The following UEVLD variants were observed in gnomAD, a reference collection of about 807,000 sequenced individuals.
UEVLD encodes the protein UEV and lactate/malate dehyrogenase domains.
In UEVLD, 47 loss-of-function variants were observed where a neutral mutation model predicts 58.6. The ratio of observed to expected loss-of-function variants is 0.80; its 90% CI spans 0.63 to 1.02. The LOEUF is 1.02. UEVLD is among the 50% of genes least tolerant of loss of function. The pLI, the probability that UEVLD is intolerant of heterozygous loss-of-function variation, is 0.00. For missense variants in UEVLD, 510 were observed against 550.6 expected (o/e 0.93, Z 0.74); for synonymous variants, 197 against 195.3 (o/e 1.01, Z -0.07).
intron 1 of UEVLD, among the ~76,000 whole-genome samples, chr11:18,588,077 G>C (rs1853674763): frequency 6.6e-6 from 1 of 152,112 alleles, no homozygotes; most frequent in African/African-American, 2.4e-5. Flanking sequence ...CTATGGTGTT[G>C]TCAAACATAG....
At chr11:18,572,533 G>A (rs984222841) in intron 3 of UEVLD, among the ~76,000 whole-genome samples, 6 of 152,126 alleles carry the variant, frequency 3.9e-5, no homozygotes, top group African/African-American at 7.2e-5. Flanking sequence ...GGCTGGGCGC[G>A]GTGGCTCACG....
chr11:18,588,209 G>A (rs181206274), intron 1 of UEVLD, among the ~76,000 whole-genome samples: 1 of 152,308 alleles, frequency 6.6e-6, no homozygotes, highest in East Asian at 1.9e-4. Flanking sequence ...CAAAACAGAA[G>A]GGTTGATTCA....
intron 6 of UEVLD, 106 bp downstream of exon 6, chr11:18,564,786 A>C: frequency 2.9e-6 from 2 of 701,112 alleles, no homozygotes; most frequent in Non-Finnish European, 2.3e-6. Context: ...AGCCAAAATA[A>C]GGTTTTCCCA....
At chr11:18,554,071 C>G (rs900937547) in intron 7 of UEVLD, among the ~76,000 whole-genome samples, 6 of 152,142 alleles carry the variant, frequency 3.9e-5, no homozygotes, top group Admixed American at 3.9e-4. Flanking sequence ...CGGTCTGACT[C>G]CTAAAGCAAC....
At chr11:18,532,552 C>T in intron 11 of UEVLD, 65 bp from the exon 12 acceptor site, 2 of 1,324,328 alleles carry the variant, frequency 1.5e-6, no homozygotes, top group East Asian at 2.6e-5. Context: ...TACAAAAATG[C>T]ATACTTTCTT....
Position 18,570,293 on chromosome 11 carries a change from G to A in UEVLD, c.278C>T (p.Ala93Val), listed in dbSNP as rs373720233. Residue 93 changes from alanine to valine, a missense_variant, in exon 4 of 12, where the codon GCA (alanine) becomes GTA (valine). By Grantham distance (64) the Ala-to-Val change is moderately conservative. Coordinates refer to ENST00000396197, the MANE Select transcript of UEVLD (RefSeq NM_001040697.4). The stretch of plus-strand genomic sequence containing the variant: ...TTTTCCGACTAAGATTCCCATATTT[G>A]CAGTTGGCTTCAAGAAGCAAATAGG... ...APPICFLKPTANMGILVGKHV... is the reference protein window; with the variant it reads ...APPICFLKPTVNMGILVGKHV... 43 of 1,596,336 alleles carry A rather than the reference G, an allele frequency of 2.7e-5. No homozygotes were observed. Among genetic ancestry groups the A allele is most frequent in the Non-Finnish European group, 3.5e-5 (41 of 1,175,194 alleles).
intron 1 of UEVLD, among the ~76,000 whole-genome samples, chr11:18,583,242 C>CA (rs1853343600): frequency 1.1e-5 from 1 of 87,472 alleles, no homozygotes; most frequent in Admixed American, 1.3e-4. Flanking sequence ...TTTTTTTTGA[C>CA]AGAGTTTCAC....
At chr11:18,540,474 G>GGATA (rs1851008101) in intron 9 of UEVLD, among the ~76,000 whole-genome samples, 1 of 152,096 alleles carries the variant, frequency 6.6e-6, no homozygotes, top group Non-Finnish European at 1.5e-5. Flanking sequence ...ACCTATCCAT[G>GGATA]GATATAACTA....
intron 4 of UEVLD, among the ~76,000 whole-genome samples, chr11:18,569,084 C>T (rs1852453078): frequency 6.6e-6 from 1 of 152,058 alleles, no homozygotes; most frequent in Non-Finnish European, 1.5e-5. Context: ...TTAGTAGAGA[C>T]AGGGTTTCAC....
chr11:18,562,546 GA>G lies in UEVLD; in HGVS notation c.612+2345del, dbSNP rs1032619799. Among the ~76,000 whole-genome samples, 471 of 141,454 alleles carry G rather than the reference GA, an allele frequency of 3.3e-3. 2 individuals carry two copies. Among genetic ancestry groups the G allele is most frequent in the Admixed American group, 0.011 (159 of 14,206 alleles). 92.8% of individuals were successfully genotyped at this position (141,454 alleles called of 152,430 possible). A position where few individuals can be genotyped will look rare whatever the true frequency, so the allele number is the denominator to read the frequency against. ...GACACAGCGAGACTCCATCTCCAAA[GA>G]AAAAAAAAAAAATTTTTTTTGTAGA... On this transcript the variant is annotated intron_variant, in intron 6 of 11. Transcript: ENST00000396197.
intron 11 of UEVLD, among the ~76,000 whole-genome samples, chr11:18,532,842 T>C (rs1850625270): frequency 6.6e-6 from 1 of 152,094 alleles, no homozygotes; most frequent in Non-Finnish European, 1.5e-5. Flanking sequence ...GGATGGTCTC[T>C]GGGCACAGTC....
At position 18,556,403 on chromosome 11, in the gene UEVLD, G is replaced by A. The variant is rs534758046; in HGVS notation, c.715+1825C>T. On this transcript the variant is annotated intron_variant, in intron 7 of 11. Coordinates refer to ENST00000396197, the MANE Select transcript of UEVLD (RefSeq NM_001040697.4). ...AACTCATTGTATCCTACAGGCAGCC[G>A]AAGGCTTACTAAAACTTTTACACCT... Among the ~76,000 whole-genome samples the A allele has an allele frequency of 3.9e-5, 6 of 152,314 alleles. 1 individual carries two copies. Among genetic ancestry groups the A allele is most frequent in the African/African-American group, 1.2e-4 (5 of 41,566 alleles).
chr11:18,588,563 C>G lies in UEVLD; in HGVS notation c.42+50G>C, dbSNP rs371765230. The G allele has an allele frequency of 1.9e-6, 3 of 1,592,314 alleles. No homozygotes were observed. In the African/African-American group the frequency reaches 4.0e-5, roughly 21 times the overall value. On this transcript the variant is annotated intron_variant, in intron 1 of 11. Coordinates refer to ENST00000396197, the MANE Select transcript of UEVLD (RefSeq NM_001040697.4). ...GGCAACCTGGCCAAAGGCAGAGGCA[C>G]CCCCCGCAAGACCCTGAGGACCCAA...
At chr11:18,544,892 G>C in intron 8 of UEVLD, 96 bp from the exon 9 acceptor site, 1 of 848,100 alleles carries the variant, frequency 1.2e-6, no homozygotes, top group African/African-American at 1.8e-5. Flanking sequence ...AGTATATTAG[G>C]TCCTCAATGC....
Position 18,531,781 on chromosome 11 carries a change from T to G in UEVLD, c.*539A>C, listed in dbSNP as rs1474545478. ...TTTTAAAGTGCATGTAAAATTCTTT[T>G]CCATTTTTTGGTAGGTAATTAATTT... is the stretch of plus-strand genomic sequence containing the variant. On this transcript the variant is annotated 3_prime_UTR_variant, in exon 12 of 12. Coordinates refer to ENST00000396197, the MANE Select transcript of UEVLD (RefSeq NM_001040697.4). 6.6e-6 allele frequency: 1 copy of G among 152,238 alleles called. No homozygotes were observed. The highest frequency in any genetic ancestry group is 1.5e-5 in the Non-Finnish European group (1 of 68,034). 9.4% of individuals were successfully genotyped at this position (152,238 alleles called of 1,614,324 possible).
rs549000316 is a variant in UEVLD, at chr11:18,559,073, C to T, written c.613-743G>A. Among the ~76,000 whole-genome samples the T allele has an allele frequency of 7.9e-5, 12 of 152,138 alleles. No homozygotes were observed. The South Asian group carries it at 2.1e-3, about 26-fold the overall frequency. ...ATTTTTAGTAGAGACGGGGTATCAC[C>T]ATGTTGGCCAGGCTCATCACAAACT... On this transcript the variant is annotated intron_variant, in intron 6 of 11. Coordinates refer to ENST00000396197, the MANE Select transcript of UEVLD (RefSeq NM_001040697.4).
chr11:18,570,167 T>TAAA, intron 4 of UEVLD, 47 bp downstream of exon 4: 1 of 1,461,084 alleles, frequency 6.8e-7, no homozygotes, highest in Admixed American at 2.3e-5. Flanking sequence ...TGATAGGTAT[T>TAAA]TAAAAAAAAA....
In UEVLD at chr11:18,536,392, C is replaced by T; in HGVS notation, c.1124+14G>A. ...TTTTTCGTTGGATAAATGCAAATTT[C>T]CAGTCAGTGTTACCTGTTGGACAGC... On this transcript the variant is annotated intron_variant, in intron 10 of 11. Transcript: ENST00000396197. 6.2e-7 allele frequency: 1 copy of T among 1,612,846 alleles called. No individual in the cohort carries two copies. Among genetic ancestry groups the T allele is most frequent in the South Asian group, 1.1e-5 (1 of 91,052 alleles).
At chr11:18,557,387 C>T (rs994790844) in intron 7 of UEVLD, among the ~76,000 whole-genome samples, 4 of 151,932 alleles carry the variant, frequency 2.6e-5, no homozygotes, top group Non-Finnish European at 5.9e-5. Context: ...TTCCCGACCT[C>T]GTGATCTGCC....
Sources: allele counts gnomAD v4.1 joint callset (sites outside exome capture counted in the v4.1 genomes callset), GRCh38; gene constraint gnomAD v4.1.1; transcripts MANE v1.5; gene names NCBI Gene and HGNC (gene_info 2026-07-23, HGNC 2026-07-21).